FARP1: variants seen among roughly 807,000 people sequenced by gnomAD.
FARP1 encodes the protein FERM, ARHGEF and pleckstrin domain-containing protein 1.
In FARP1, 52 loss-of-function variants were observed where a neutral mutation model predicts 128.8. The observed-to-expected ratio is 0.40, with a 90% CI of 0.32 to 0.51. FARP1 has a LOEUF of 0.51. FARP1 is among the 20% of genes least tolerant of loss of function. FARP1 has a pLI of 0.45. For missense variants in FARP1, 1,333 were observed against 1,367.9 expected (o/e 0.97, Z 0.40); for synonymous variants, 580 against 551.8 (o/e 1.05, Z -0.72).
In FARP1 at chr13:98,440,215, C is replaced by T; in HGVS notation, c.2609C>T (p.Ala870Val). Residue 870 changes from alanine (A) to valine (V), a missense_variant, in exon 23 of 27, where the codon GCC becomes GTC. Coordinates refer to ENST00000319562, the MANE Select transcript of FARP1 (RefSeq NM_005766.4). ...KSSSPAPEFL[A>V]SSPPDNKSPD... ...AGCAGCCCCGCCCCTGAGTTCCTGG[C>T]CAGCAGCCCCCCTGACAACAGTGAG... The T allele has an allele frequency of 6.2e-7, 1 of 1,613,506 alleles. No homozygotes were observed. The highest frequency in any genetic ancestry group is 8.5e-7 in the Non-Finnish European group (1 of 1,179,524).
intron 2 of FARP1, among the ~76,000 whole-genome samples, chr13:98,284,770 TCTGC>T (rs1885086553): frequency 6.6e-6 from 1 of 152,246 alleles, no homozygotes. Flanking sequence ...AGGATCTCAG[TCTGC>T]CTCAGAGTAA....
intron 2 of FARP1, among the ~76,000 whole-genome samples, chr13:98,316,008 G>A (rs755032319): frequency 3.9e-5 from 6 of 152,144 alleles, no homozygotes; most frequent in Non-Finnish European, 7.4e-5. Context: ...ACTGAAGTGC[G>A]GCTTATGTCA....
At chr13:98,338,832 A>G (rs748391867) in intron 2 of FARP1, 1 of 152,240 alleles carries the variant, frequency 6.6e-6, no homozygotes, top group Non-Finnish European at 1.5e-5. Context: ...ATAAGTACAG[A>G]GAAATGATGC....
intron 1 of FARP1, among the ~76,000 whole-genome samples, chr13:98,148,445 TACTG>T (rs1486328027): frequency 5.3e-5 from 8 of 152,356 alleles, no homozygotes; most frequent in Admixed American, 2.6e-4. Flanking sequence ...TGCCACCTGT[TACTG>T]ACTCCTACCT....
Position 98,439,152 on chromosome 13 carries a change from A to C in FARP1, c.2389A>C (p.Asn797His), listed in dbSNP as rs758570516. The change falls in exon 21 of 27, where the codon AAT (asparagine) becomes CAT (histidine). Residue 797 changes from asparagine to histidine, a missense_variant. By Grantham distance (68) the Asn-to-His change is moderately conservative (BLOSUM62 1). Transcript: ENST00000319562. ...LYTSRGLTAS[N>H]QFKVHGQLPL... ...CACGAGCCGGGGGCTGACGGCCTCC[A>C]ATCAGTTTAAAGTCCACGGGCAGCT... 4 of 1,613,960 alleles carry C rather than the reference A, an allele frequency of 2.5e-6. No homozygotes were observed. The Admixed American group carries it at 6.7e-5, about 27-fold the overall frequency.
intron 2 of FARP1, among the ~76,000 whole-genome samples, chr13:98,314,031 T>C (rs893932619): frequency 6.6e-6 from 1 of 152,172 alleles, no homozygotes; most frequent in African/African-American, 2.4e-5. Flanking sequence ...CCCTCTTGTG[T>C]AACACGGATT....
chr13:98,237,022 G>T (rs1218902065), intron 2 of FARP1, among the ~76,000 whole-genome samples: 4 of 151,030 alleles, frequency 2.6e-5, no homozygotes, highest in Non-Finnish European at 4.4e-5. Context: ...TTAAAATTTA[G>T]GCCGGGCGCG....
At chr13:98,419,246 G>C (rs1891500265) in intron 16 of FARP1, among the ~76,000 whole-genome samples, 2 of 152,252 alleles carry the variant, frequency 1.3e-5, no homozygotes, top group South Asian at 4.1e-4. Context: ...GGCCGAGGTG[G>C]GTGGATCACC....
chr13:98,196,246 C>T (rs1421714321), intron 1 of FARP1, among the ~76,000 whole-genome samples: 2 of 152,118 alleles, frequency 1.3e-5, no homozygotes, highest in East Asian at 1.9e-4. Context: ...GAGAGGGTGA[C>T]GGCTTTAGAA....
Position 98,221,349 on chromosome 13 carries a change from T to TA in FARP1, c.171+7942dup, listed in dbSNP as rs201677036. 4.2e-3 allele frequency among the ~76,000 whole-genome samples: 638 copies of TA among 152,302 alleles called. 5 individuals are homozygous for TA. Among genetic ancestry groups the TA allele is most frequent in the African/African-American group, 0.015 (604 of 41,572 alleles). On this transcript the variant is annotated intron_variant, in intron 2 of 26. Coordinates refer to ENST00000319562, the MANE Select transcript of FARP1 (RefSeq NM_005766.4). Reference sequence around the variant, plus strand: ...GAAAGCGAATGAAAGCACTTAAGAATAAAAAATCATGTGCTTCTGTCAGAT... The same window carrying TA: ...GAAAGCGAATGAAAGCACTTAAGAATAAAAAAATCATGTGCTTCTGTCAGAT...
intron 2 of FARP1, among the ~76,000 whole-genome samples, chr13:98,264,102 C>T (rs906813043): frequency 6.6e-6 from 1 of 152,172 alleles, no homozygotes; most frequent in Non-Finnish European, 1.5e-5. Flanking sequence ...AGCTTTGGGT[C>T]ATCTACCTCT....
At chr13:98,440,904 T>C (rs1472490339) in intron 24 of FARP1, 68 bp downstream of exon 24, 5 of 1,478,106 alleles carry the variant, frequency 3.4e-6, no homozygotes, top group Admixed American at 2.1e-5. Context: ...GGCAAACTTC[T>C]GGGCCAGGGG....
chr13:98,273,844 A>G (rs1282133704), intron 2 of FARP1, among the ~76,000 whole-genome samples: 1 of 152,218 alleles, frequency 6.6e-6, no homozygotes, highest in East Asian at 1.9e-4. Context: ...GGCCCAGCAG[A>G]GCAGGGATTT....
intron 4 of FARP1, 88 bp downstream of exon 4, chr13:98,365,525 G>T (rs1889046120): frequency 1.1e-6 from 1 of 919,410 alleles, no homozygotes; most frequent in African/African-American, 1.7e-5. Flanking sequence ...GTGGCATGAA[G>T]CACTAGAAAC....
chr13:98,367,589 A>G (rs973684384), intron 4 of FARP1, among the ~76,000 whole-genome samples: 3 of 151,834 alleles, frequency 2.0e-5, no homozygotes, highest in Non-Finnish European at 4.4e-5. Flanking sequence ...CTCATTGGTA[A>G]GAGGGTTTAT....
intron 5 of FARP1, among the ~76,000 whole-genome samples, 156 bp downstream of exon 5, chr13:98,368,351 G>A (rs1165753979): frequency 6.6e-6 from 1 of 152,166 alleles, no homozygotes; most frequent in African/African-American, 2.4e-5. Flanking sequence ...TCCCAGCCCT[G>A]CTTACAAAAA....
At chr13:98,430,634 C>T (rs1302888721) in intron 17 of FARP1, among the ~76,000 whole-genome samples, 2 of 152,146 alleles carry the variant, frequency 1.3e-5, no homozygotes, top group African/African-American at 2.4e-5. Flanking sequence ...GGTTTTAAAA[C>T]GATGTAATGC....
chr13:98,219,316 T>C (rs927240006), intron 2 of FARP1, among the ~76,000 whole-genome samples: 2 of 152,016 alleles, frequency 1.3e-5, no homozygotes, highest in African/African-American at 4.8e-5. Context: ...TATGGAAGTG[T>C]GTTCATTTTC....
In FARP1 at chr13:98,235,278, C is replaced by G. The variant is rs1280280440; in HGVS notation, c.171+21865C>G. On this transcript the variant is annotated intron_variant, in intron 2 of 26. Transcript: ENST00000319562. The stretch of plus-strand genomic sequence containing the variant: ...GCCACATAAGTTTCATCACAGTGCC[C>G]AAGGCTGTGGGCCCCAGGGAATCGA... 2.0e-5 allele frequency among the ~76,000 whole-genome samples: 3 copies of G among 152,122 alleles called. No individual in the cohort carries two copies. In the East Asian group the frequency reaches 5.8e-4, roughly 29 times the overall value.
Sources: allele counts gnomAD v4.1 joint callset (sites outside exome capture counted in the v4.1 genomes callset), GRCh38; gene constraint gnomAD v4.1.1; transcripts MANE v1.5; gene names NCBI Gene and HGNC (gene_info 2026-07-23, HGNC 2026-07-21).